SLC25A29: variants seen among roughly 807,000 people sequenced by gnomAD.
SLC25A29 encodes mitochondrial basic amino acids transporter.
A neutral mutation model predicts 10.0 loss-of-function variants in SLC25A29; 13 were observed. The observed-to-expected ratio is 1.30, with a 90% CI of 0.85 to 2.07. SLC25A29 has a LOEUF of 2.07. SLC25A29 is among the 30% of genes most tolerant of loss of function. The probability of loss-of-function intolerance (pLI) is 0.00; values close to 1 mark genes in which losing one functional copy is unlikely to be tolerated. For missense variants in SLC25A29, 475 were observed against 447.6 expected (o/e 1.06, Z -0.55); for synonymous variants, 244 against 221.1 (o/e 1.10, Z -0.92).
the SLC25A29 span, chr14:100,282,207 G>C: frequency 8.5e-5 from 13 of 152,106 alleles, no homozygotes; most frequent in Admixed American, 8.5e-4. Context: ...GTGTGATGGC[G>C]TCACATTCAT....
chr14:100,305,995 TAA>T (rs1892914404), intron 1 of SLC25A29, among the ~76,000 whole-genome samples: 1 of 152,060 alleles, frequency 6.6e-6, no homozygotes, highest in Non-Finnish European at 1.5e-5. Context: ...CCAGAGAGAA[TAA>T]AGACACCTGC....
Position 100,299,023 on chromosome 14 carries a change from G to A in SLC25A29, c.35-138C>T. On this transcript the variant is annotated intron_variant, in intron 1 of 3. Transcript: ENST00000359232. ...GGACATTGACCAAGCACCTGTGGGTGCAGCAGGCAGATCCCATGAGCCCCT... is the reference window on the plus strand; with the variant it reads ...GGACATTGACCAAGCACCTGTGGGTACAGCAGGCAGATCCCATGAGCCCCT... 2.0e-6 allele frequency: 3 copies of A among 1,469,442 alleles called. 1 individual carries two copies. In the South Asian group the frequency reaches 4.2e-5, roughly 21 times the overall value. 91.0% of individuals were successfully genotyped at this position (1,469,442 alleles called of 1,614,324 possible).
the SLC25A29 span, among the ~76,000 whole-genome samples, chr14:100,282,979 A>G: frequency 6.6e-6 from 1 of 152,188 alleles, no homozygotes; most frequent in Non-Finnish European, 1.5e-5. Context: ...ACCAGCAAGA[A>G]ATGCTTCTGT....
Position 100,293,379 on chromosome 14 carries a change from T to A in SLC25A29, c.79-2A>T. The A allele has an allele frequency of 1.2e-6, 2 of 1,612,572 alleles. No individual in the cohort carries two copies. Among genetic ancestry groups the A allele is most frequent in the South Asian group, 2.2e-5 (2 of 90,872 alleles). On this transcript the variant is annotated splice_acceptor_variant, in intron 2 of 3. Coordinates refer to ENST00000359232, the MANE Select transcript of SLC25A29 (RefSeq NM_001039355.3). LOFTEE classifies it high-confidence loss of function. ...CACGCTCTGGACCTGAAGCCGTACC[T>A]GGAAGGAGAGGGTCCAGTGAGAGGC... is the stretch of plus-strand genomic sequence containing the variant.
chr14:100,282,507 A>C, the SLC25A29 span: 136,020 of 152,156 alleles, frequency 0.89, 61,813 homozygotes, highest in East Asian at 1. Context: ...GAGAAAAATT[A>C]TGTTTTTATT....
chr14:100,283,645 G>A, the SLC25A29 span, among the ~76,000 whole-genome samples: 1 of 151,940 alleles, frequency 6.6e-6, no homozygotes, highest in African/African-American at 2.4e-5. Context: ...ACCATGCCCG[G>A]CTAATTTTGT....
chr14:100,304,196 C>A (rs1196683453), intron 1 of SLC25A29, among the ~76,000 whole-genome samples: 6 of 152,164 alleles, frequency 3.9e-5, no homozygotes, highest in Non-Finnish European at 8.8e-5. Flanking sequence ...CAAGAAGGAG[C>A]CAGGCAGGGG....
At chr14:100,284,064 CAT>C in the SLC25A29 span, among the ~76,000 whole-genome samples, 1 of 152,050 alleles carries the variant, frequency 6.6e-6, no homozygotes, top group Non-Finnish European at 1.5e-5. Flanking sequence ...GTTGAGAACA[CAT>C]ATGTACCCAG....
At chr14:100,288,580 C>T (rs1438753415), downstream of SLC25A29, among the ~76,000 whole-genome samples, 1 of 146,480 alleles carries the variant, frequency 6.8e-6, no homozygotes, top group Non-Finnish European at 1.5e-5. Context: ...CCTGCCTCAC[C>T]CCCCTCCCCA....
chr14:100,281,955 T>C, the SLC25A29 span: 7 of 152,242 alleles, frequency 4.6e-5, no homozygotes, highest in African/African-American at 1.7e-4. Flanking sequence ...AAGCTGGGAC[T>C]GTACTGAGGC....
At chr14:100,294,884 T>C (rs1264348509) in intron 2 of SLC25A29, 1 of 152,078 alleles carries the variant, frequency 6.6e-6, no homozygotes, top group Non-Finnish European at 1.5e-5. Flanking sequence ...CGAAGCACCC[T>C]CCCACCCTGG....
At chr14:100,306,099 C>T (rs1892926326) in intron 1 of SLC25A29, 100 bp downstream of exon 1, 2 of 891,830 alleles carry the variant, frequency 2.2e-6, no homozygotes, top group Non-Finnish European at 1.6e-6. Flanking sequence ...GACGCGGCGA[C>T]CCCCGCCAGC....
chr14:100,293,420 G>A (rs372064535), intron 2 of SLC25A29, 43 bp from the exon 3 acceptor site: 1 of 1,585,324 alleles, frequency 6.3e-7, no homozygotes, highest in East Asian at 2.2e-5. Flanking sequence ...GGCAGGACCA[G>A]AGCACCCAGC....
intron 1 of SLC25A29, chr14:100,299,392 C>T: frequency 2.0e-6 from 2 of 997,668 alleles, no homozygotes; most frequent in South Asian, 4.3e-5. Context: ...TAAAGGTTTA[C>T]CTCCCTCCCC....
chr14:100,284,089 A>G, the SLC25A29 span, among the ~76,000 whole-genome samples: 1 of 152,128 alleles, frequency 6.6e-6, no homozygotes, highest in Non-Finnish European at 1.5e-5. Context: ...GCCTCCTCCA[A>G]ACCACCCTTT....
chr14:100,283,704 A>C, the SLC25A29 span, among the ~76,000 whole-genome samples: 1 of 151,734 alleles, frequency 6.6e-6, no homozygotes, highest in Non-Finnish European at 1.5e-5. Flanking sequence ...GCTGGTGTTA[A>C]ACTTCTGACC....
In SLC25A29 at chr14:100,293,135, C is replaced by T. The variant is rs1056863570; in HGVS notation, c.163-103G>A. 2.7e-6 allele frequency: 4 copies of T among 1,455,734 alleles called. No individual in the cohort carries two copies. The African/African-American group carries it at 4.2e-5, about 15-fold the overall frequency. The allele number at this position is 1,455,734 out of a possible 1,614,324, so 90.2% of individuals were successfully genotyped here. A position where few individuals can be genotyped will look rare whatever the true frequency, so the allele number is the denominator to read the frequency against. ...GCAGCCCCAGCCCACCCCAGGGGCT[C>T]CTGAGGACCAAGCAGAATTTCGTTA... On this transcript the variant is annotated intron_variant, in intron 3 of 3. Transcript: ENST00000359232.
rs1308218975 is a variant in SLC25A29, at chr14:100,292,694, G to C, written c.501C>G (p.Val167=). The change falls in exon 4 of 4, where the codon GTC becomes GTG. Residue 167 remains valine (V), a synonymous_variant. Coordinates refer to ENST00000359232, the MANE Select transcript of SLC25A29 (RefSeq NM_001039355.3). The part of the protein sequence containing the change: ...TLLRETPSFG[V]YFLTYDALTR... Reference sequence around the variant, plus strand: ...TGAGAGCGTCATAGGTGAGGAAGTAGACGCCGAAGCTGGGCGTCTCACGCA... The same window carrying C: ...TGAGAGCGTCATAGGTGAGGAAGTACACGCCGAAGCTGGGCGTCTCACGCA... 6.2e-7 allele frequency: 1 copy of C among 1,603,250 alleles called. No individual in the cohort carries two copies. Among genetic ancestry groups the C allele is most frequent in the Non-Finnish European group, 8.5e-7 (1 of 1,176,262 alleles).
the SLC25A29 span, chr14:100,282,534 C>G: frequency 6.6e-6 from 1 of 152,198 alleles, no homozygotes; most frequent in Admixed American, 6.5e-5. Flanking sequence ...CTGGTAACTT[C>G]TGTAGGCCCT....
Sources: gnomAD v4.1 joint callset for allele counts (sites outside exome capture counted in the v4.1 genomes callset) on GRCh38, gnomAD v4.1.1 for gene constraint, MANE v1.5 for transcripts, NCBI Gene and HGNC (gene_info 2026-07-23, HGNC 2026-07-21) for gene names.